The following VPS50 variants were observed in gnomAD, a reference collection of about 807,000 sequenced individuals.
VPS50 encodes the protein syndetin.
VPS50 carries 70 observed loss-of-function variants against 139.7 expected under a neutral mutation model. That is an observed-to-expected ratio of 0.50 (90% CI 0.41 to 0.61). The LOEUF (loss-of-function observed/expected upper bound fraction) is 0.61. Among genes scored for constraint, VPS50 ranks in the 20% least tolerant of loss-of-function variants. The pLI, the probability that VPS50 is intolerant of heterozygous loss-of-function variation, is 0.00. For missense variants in VPS50, 921 were observed against 1,133.7 expected (o/e 0.81, Z 2.69); for synonymous variants, 365 against 376.7 (o/e 0.97, Z 0.36).
At chr7:93,237,769 A>G (rs1466752268) in intron 1 of VPS50, among the ~76,000 whole-genome samples, 1 of 152,198 alleles carries the variant, frequency 6.6e-6, no homozygotes, top group Non-Finnish European at 1.5e-5. Context: ...TTTTAGTTCA[A>G]GGGTACCTAT....
intron 1 of VPS50, among the ~76,000 whole-genome samples, chr7:93,234,957 C>G (rs935051825): frequency 6.7e-6 from 1 of 150,356 alleles, no homozygotes; most frequent in African/African-American, 2.5e-5. Flanking sequence ...AAAAAATAGA[C>G]AAGTGTTAAG....
In VPS50 at chr7:93,358,774, A is replaced by T. The variant is rs1241904146; in HGVS notation, c.*338A>T. On this transcript the variant is annotated 3_prime_UTR_variant, in exon 28 of 28. Transcript: ENST00000305866. ...GGCTTAATATATGTATGGGAAGTTT[A>T]TGGAAAATGAAGTTGGCACTTTTCT... The T allele has an allele frequency of 5.8e-6, 1 of 172,640 alleles. No homozygotes were observed. Among genetic ancestry groups the T allele is most frequent in the Non-Finnish European group, 1.3e-5 (1 of 79,882 alleles). The allele number at this position is 172,640 out of a possible 1,614,324, so 10.7% of individuals were successfully genotyped here.
intron 4 of VPS50, among the ~76,000 whole-genome samples, chr7:93,255,807 G>C (rs1795467715): frequency 6.6e-6 from 1 of 152,156 alleles, no homozygotes; most frequent in South Asian, 2.1e-4. Flanking sequence ...TGGGGAAGGG[G>C]AGCCAGTTGT....
At position 93,335,782 on chromosome 7, in the gene VPS50, C is replaced by T. The variant is rs117914953; in HGVS notation, c.2058+1585C>T. On this transcript the variant is annotated intron_variant, in intron 22 of 27. Transcript: ENST00000305866. ...ACTGAAAGTCCCAAGATTGATGGGC[C>T]AGATTTTACCACTAGGGCCATTCAC... Among the ~76,000 whole-genome samples, 4 of 152,174 alleles carry T rather than the reference C, an allele frequency of 2.6e-5. No individual in the cohort carries two copies. The East Asian group carries it at 5.8e-4, about 22-fold the overall frequency.
intron 23 of VPS50, among the ~76,000 whole-genome samples, chr7:93,346,083 T>C (rs1798384503): frequency 6.6e-6 from 1 of 152,196 alleles, no homozygotes; most frequent in Non-Finnish European, 1.5e-5. Context: ...AAAACCCCAT[T>C]GTCTCAGCCC....
intron 21 of VPS50, among the ~76,000 whole-genome samples, chr7:93,326,469 T>A (rs576181572): frequency 1.4e-5 from 2 of 144,262 alleles, no homozygotes; most frequent in Non-Finnish European, 3.1e-5. Context: ...AAAAATAAAA[T>A]AAAATAAAAT....
In VPS50 at chr7:93,294,459, A is replaced by G. The variant is rs148026698; in HGVS notation, c.1076-86A>G. 3.4e-3 allele frequency: 3,907 copies of G among 1,159,326 alleles called. 84 individuals are homozygous for G. In the African/African-American group the frequency reaches 0.049, roughly 15 times the overall value. The allele number at this position is 1,159,326 out of a possible 1,614,324, so 71.8% of individuals were successfully genotyped here. Reference sequence around the variant, plus strand: ...TTACTGTATCTTACATAGACTTACAATGTGTGAGAGGCCAAATAGAAATTA... The same window carrying G: ...TTACTGTATCTTACATAGACTTACAGTGTGTGAGAGGCCAAATAGAAATTA... On this transcript the variant is annotated intron_variant, in intron 13 of 27. Coordinates refer to ENST00000305866, the MANE Select transcript of VPS50 (RefSeq NM_017667.4).
In VPS50 at chr7:93,353,745, C is replaced by T. The variant is rs867330941; in HGVS notation, c.2569C>T (p.Arg857Ter). The change falls in exon 26 of 28, where the codon CGA (arginine) becomes TGA (stop). Residue 857 changes from arginine (R) to a stop codon, truncating the protein, a stop_gained. Coordinates refer to ENST00000305866, the MANE Select transcript of VPS50 (RefSeq NM_017667.4). LOFTEE classifies it high-confidence loss of function. ...GGAACATTGTATACGATTGGCTAAT[C>T]GAACTATTGTAGAAGGGTAAGTTTT... ...LWEHCIRLANRTIVEGYANVK... is the reference protein window; with the variant it reads ...LWEHCIRLAN The T allele has an allele frequency of 1.9e-6, 3 of 1,607,632 alleles. No individual in the cohort carries two copies. The highest frequency in any genetic ancestry group is 1.7e-5 in the Admixed American group (1 of 59,232).
chr7:93,326,987 T>G (rs893211012), intron 21 of VPS50, among the ~76,000 whole-genome samples: 7 of 152,212 alleles, frequency 4.6e-5, no homozygotes, highest in African/African-American at 7.2e-5. Flanking sequence ...ATTTATATAC[T>G]ATAAAGTATG....
intron 2 of VPS50, among the ~76,000 whole-genome samples, chr7:93,249,418 T>C (rs1370021150): frequency 6.6e-6 from 1 of 152,080 alleles, no homozygotes; most frequent in Non-Finnish European, 1.5e-5. Context: ...GAATTGCAGC[T>C]AAAAATCCAA....
chr7:93,238,370 C>T (rs887764367), intron 1 of VPS50, among the ~76,000 whole-genome samples: 9 of 151,560 alleles, frequency 5.9e-5, no homozygotes, highest in African/African-American at 2.2e-4. Context: ...GGGAACAATG[C>T]GCTAATTTGT....
At chr7:93,330,540 G>C (rs2117038544) in intron 21 of VPS50, among the ~76,000 whole-genome samples, 1 of 152,178 alleles carries the variant, frequency 6.6e-6, no homozygotes. Context: ...GGTCACTTGA[G>C]CCCAGAAGTT....
intron 16 of VPS50, among the ~76,000 whole-genome samples, chr7:93,297,611 G>C (rs1796848752): frequency 6.6e-6 from 1 of 152,110 alleles, no homozygotes; most frequent in African/African-American, 2.4e-5. Flanking sequence ...CTCAGTGAGG[G>C]GGTGCTTGAG....
At chr7:93,261,289 G>A (rs1055237130) in intron 9 of VPS50, among the ~76,000 whole-genome samples, 4 of 152,126 alleles carry the variant, frequency 2.6e-5, no homozygotes, top group African/African-American at 9.7e-5. Context: ...TGTCAGTATG[G>A]TGATAAACCA....
In VPS50 at chr7:93,305,138, T is replaced by C. The variant is rs537483050; in HGVS notation, c.1453-690T>C. ...TGTAATTCAAAGGAACTTTAGAGAT[T>C]ATTCCAACTTTTCCTCTAATTAGCT... On this transcript the variant is annotated intron_variant, in intron 17 of 27. Coordinates refer to ENST00000305866, the MANE Select transcript of VPS50 (RefSeq NM_017667.4). 2.6e-5 allele frequency among the ~76,000 whole-genome samples: 4 copies of C among 152,048 alleles called. No homozygotes were observed. The South Asian group carries it at 8.3e-4, about 31-fold the overall frequency.
chr7:93,285,282 T>G (rs189691520), intron 12 of VPS50, among the ~76,000 whole-genome samples: 1 of 152,174 alleles, frequency 6.6e-6, no homozygotes, highest in African/African-American at 2.4e-5. Flanking sequence ...AGGATGTGAT[T>G]AGAGTGCTAA....
intron 21 of VPS50, among the ~76,000 whole-genome samples, chr7:93,326,144 G>T (rs1224119924): frequency 2.6e-5 from 4 of 151,902 alleles, no homozygotes; most frequent in Middle Eastern, 3.2e-3. Context: ...CATGTCCTTT[G>T]TAGGGACATG....
chr7:93,257,960 A>T, intron 6 of VPS50, 199 bp from the exon 7 acceptor site: 1 of 431,828 alleles, frequency 2.3e-6, no homozygotes, highest in Non-Finnish European at 4.1e-6. Flanking sequence ...CAGGTTGTGA[A>T]TTGGCACCAA....
intron 20 of VPS50, among the ~76,000 whole-genome samples, chr7:93,317,873 A>G (rs1797474206): frequency 6.6e-6 from 1 of 152,146 alleles, no homozygotes. Context: ...AAAGTTATAG[A>G]GTTCATTGAA....
Sources: allele counts gnomAD v4.1 joint callset (sites outside exome capture counted in the v4.1 genomes callset), GRCh38; gene constraint gnomAD v4.1.1; transcripts MANE v1.5; gene names NCBI Gene and HGNC (gene_info 2026-07-23, HGNC 2026-07-21).